The following TOGARAM2 variants were observed in gnomAD, a reference collection of about 807,000 sequenced individuals.
TOGARAM2 encodes the protein TOG array regulator of axonemal microtubules protein 2.
A neutral mutation model predicts 93.3 loss-of-function variants in TOGARAM2; 85 were observed. The observed-to-expected ratio is 0.91, with a 90% CI of 0.76 to 1.09. The LOEUF is 1.09. TOGARAM2 is among the 50% of genes least tolerant of loss of function. The pLI is 0.00. For synonymous variants in TOGARAM2, 593 were observed against 552.8 expected (o/e 1.07, Z -1.02); for missense variants, 1,277 against 1,334.5 (o/e 0.96, Z 0.67).
At chr2:29,047,693 T>A (rs559391771) in intron 19 of TOGARAM2, 1 of 152,362 alleles carries the variant, frequency 6.6e-6, no homozygotes, top group African/African-American at 2.4e-5. Context: ...GGCTCTGAAG[T>A]AGCCTGAGTT....
chr2:29,001,862 T>A lies in TOGARAM2; in HGVS notation c.428-674T>A, dbSNP rs1332855541. On this transcript the variant is annotated intron_variant, in intron 4 of 19. Transcript: ENST00000379558. ...TGAAAGTTAAAATGCTAGTCTTTTTTTTTTTTTTATTCCTCATCACTGATA... is the reference window on the plus strand; with the variant it reads ...TGAAAGTTAAAATGCTAGTCTTTTTATTTTTTTTATTCCTCATCACTGATA... 3.9e-5 allele frequency among the ~76,000 whole-genome samples: 6 copies of A among 152,170 alleles called. 1 individual carries two copies. The highest frequency in any genetic ancestry group is 1.3e-4 in the Admixed American group (2 of 15,284).
chr2:29,044,298 C>T (rs1476802406), intron 18 of TOGARAM2, among the ~76,000 whole-genome samples: 1 of 152,192 alleles, frequency 6.6e-6, no homozygotes, highest in Admixed American at 6.5e-5. Context: ...GCCATCTTTG[C>T]AAGTACATTC....
chr2:29,036,132 A>T (rs1488194664), intron 17 of TOGARAM2, among the ~76,000 whole-genome samples: 1 of 152,160 alleles, frequency 6.6e-6, no homozygotes, highest in Non-Finnish European at 1.5e-5. Flanking sequence ...CACAGCTCAG[A>T]GTCAGCAGAC....
intron 14 of TOGARAM2, among the ~76,000 whole-genome samples, chr2:29,032,387 C>T (rs904519903): frequency 1.3e-5 from 2 of 152,200 alleles, no homozygotes; most frequent in Non-Finnish European, 2.9e-5. Flanking sequence ...TGTTGAGCCC[C>T]AACGCAAGGG....
chr2:28,996,864 C>A (rs1351593715), intron 2 of TOGARAM2, among the ~76,000 whole-genome samples: 2 of 147,748 alleles, frequency 1.4e-5, no homozygotes, highest in Non-Finnish European at 3.0e-5. Flanking sequence ...CTGCAAGTGG[C>A]AGGATTTGAT....
At chr2:29,016,150 A>C (rs1394809014) in intron 8 of TOGARAM2, among the ~76,000 whole-genome samples, 3 of 152,182 alleles carry the variant, frequency 2.0e-5, no homozygotes, top group African/African-American at 7.2e-5. Context: ...CCAGCCTTCC[A>C]GTGGCTCAGG....
In TOGARAM2 at chr2:29,036,580, A is replaced by G. The variant is rs999849212; in HGVS notation, c.2458A>G (p.Lys820Glu). 6.2e-7 allele frequency: 1 copy of G among 1,614,008 alleles called. No individual in the cohort carries two copies. The highest frequency in any genetic ancestry group is 1.7e-5 in the Admixed American group (1 of 60,024). The part of the protein sequence containing the change: ...AFTPRLQDSN[K>E]KVNQWALESF... The stretch of plus-strand genomic sequence containing the variant: ...CACCCCAAGGCTTCAGGATTCCAAC[A>G]AGAAAGTGAACCAGTGGGCGCTGGA... Residue 820 changes from lysine to glutamate, a missense_variant, in exon 18 of 20, where the codon AAG becomes GAG. Physicochemically the swap from Lys to Glu is moderately conservative, Grantham distance 56. Coordinates refer to ENST00000379558, the MANE Select transcript of TOGARAM2 (RefSeq NM_199280.4).
upstream of TOGARAM2, among the ~76,000 whole-genome samples, chr2:28,980,485 C>A (rs183428009): frequency 1.6e-3 from 249 of 152,310 alleles, 3 homozygotes; most frequent in Non-Finnish European, 1.3e-3. Context: ...GGGCGAGTGG[C>A]TGTTTGCAAG....
chr2:28,983,196 ATATTTTTT>A lies in TOGARAM2; in HGVS notation c.-111+1660_-111+1667del, dbSNP rs1324127393. ...TATATAAATATATATATATATATAT[ATATTTTTT>A]TTTTTTTTTTTTTTTTTTTTTTGTA... On this transcript the variant is annotated intron_variant, in intron 1 of 19. Transcript: ENST00000379558. Among the ~76,000 whole-genome samples, 14 of 48,126 alleles carry A rather than the reference ATATTTTTT, an allele frequency of 2.9e-4. 1 individual carries two copies. Among genetic ancestry groups the A allele is most frequent in the Non-Finnish European group, 5.3e-4 (12 of 22,692 alleles). The allele number at this position is 48,126 out of a possible 152,430, so 31.6% of individuals were successfully genotyped here.
intron 14 of TOGARAM2, among the ~76,000 whole-genome samples, chr2:29,030,119 C>T (rs1665675349): frequency 6.6e-6 from 1 of 151,730 alleles, no homozygotes; most frequent in Non-Finnish European, 1.5e-5. Context: ...ACAAAAAATA[C>T]CAAAATATTA....
At chr2:29,000,311 G>C (rs1673218896) in intron 4 of TOGARAM2, among the ~76,000 whole-genome samples, 1 of 152,046 alleles carries the variant, frequency 6.6e-6, no homozygotes, top group South Asian at 2.1e-4. Flanking sequence ...TCATCTGTGT[G>C]GTGGACAAGC....
At chr2:29,005,782 CTG>C (rs148153906) in intron 6 of TOGARAM2, among the ~76,000 whole-genome samples, 93,612 of 120,744 alleles carry the variant, frequency 0.78, 38,826 homozygotes, top group Non-Finnish European at 0.88. Flanking sequence ...TGTGGAGTAT[CTG>C]TGTGTGCATG....
intron 16 of TOGARAM2, among the ~76,000 whole-genome samples, chr2:29,034,360 C>T (rs1665954389): frequency 6.6e-6 from 1 of 152,242 alleles, no homozygotes; most frequent in Admixed American, 6.5e-5. Context: ...CTCTACCACT[C>T]TGTGTCCTCA....
At chr2:28,995,045 C>G (rs1321736483) in intron 2 of TOGARAM2, among the ~76,000 whole-genome samples, 183 bp downstream of exon 2, 3 of 152,244 alleles carry the variant, frequency 2.0e-5, no homozygotes, top group African/African-American at 7.2e-5. Context: ...AGCTGGCTGT[C>G]TGGGTGGCTC....
At position 29,011,473 on chromosome 2, in the gene TOGARAM2, GC is replaced by G; in HGVS notation, c.851del (p.Pro284LeufsTer39). On this transcript the variant is annotated frameshift_variant, in exon 7 of 20. Transcript: ENST00000379558. LOFTEE classifies it high-confidence loss of function. ...TTTTAAGATTGGCTCGGGGGAGTGG[GC>G]CTCGGGAGAAGACCCCTGCATCTCT... ...PRTRLARGSG[P>X]REKTPASLEP... The G allele has an allele frequency of 6.2e-7, 1 of 1,607,210 alleles. No individual in the cohort carries two copies. Among genetic ancestry groups the G allele is most frequent in the Non-Finnish European group, 8.5e-7 (1 of 1,177,596 alleles).
At position 28,963,677 on chromosome 2, in the gene TOGARAM2, G is replaced by T. The variant is rs140509126; in HGVS notation, c.-147+6980G>T. Among the ~76,000 whole-genome samples the T allele has an allele frequency of 1.2e-3, 178 of 152,302 alleles. 1 individual carries two copies. The highest frequency in any genetic ancestry group is 3.5e-3 in the African/African-American group (146 of 41,564). ...TGGGATGACAGCCAAGGCATGCAGT[G>T]CACCTAGCTGGTGAAGGTTTCTTAT... On this transcript the variant is annotated intron_variant, in intron 1 of 6. Transcript: ENST00000401723.
Position 29,003,547 on chromosome 2 carries a change from T to C in TOGARAM2, c.695T>C (p.Leu232Pro). 2 of 1,593,626 alleles carry C rather than the reference T, an allele frequency of 1.3e-6. No homozygotes were observed. The highest frequency in any genetic ancestry group is 1.7e-6 in the Non-Finnish European group (2 of 1,170,926). Residue 232 changes from leucine (L) to proline (P), a missense_variant, in exon 6 of 20, where the codon CTG becomes CCG. Leu to Pro is a moderately conservative substitution (Grantham distance 98). Coordinates refer to ENST00000379558, the MANE Select transcript of TOGARAM2 (RefSeq NM_199280.4). ...AATGATGAGAAGATGCAGAAGTCCC[T>C]GGGCGCCATCGTGATCCCACCCATC... ...HCNDEKMQKSLGAIVIPPIPK... is the reference protein window; with the variant it reads ...HCNDEKMQKSPGAIVIPPIPK...
intron 17 of TOGARAM2, 124 bp downstream of exon 17, chr2:29,035,780 A>G: frequency 1.0e-6 from 1 of 963,088 alleles, no homozygotes; most frequent in Admixed American, 3.7e-5. Flanking sequence ...GGCCTTTGTA[A>G]CATGGAGACT....
chr2:29,018,575 C>G (rs1275288141), intron 10 of TOGARAM2: 1 of 151,852 alleles, frequency 6.6e-6, no homozygotes, highest in Non-Finnish European at 1.5e-5. Flanking sequence ...TTCAGAGTTT[C>G]TGTAAGTGTG....
Sources: allele counts gnomAD v4.1 joint callset (sites outside exome capture counted in the v4.1 genomes callset), GRCh38; gene constraint gnomAD v4.1.1; transcripts MANE v1.5; gene names NCBI Gene and HGNC (gene_info 2026-07-23, HGNC 2026-07-21).